The following NCOA3 variants were observed in gnomAD, a reference collection of about 807,000 sequenced individuals.
The protein encoded by NCOA3 is CBP-interacting protein.
Under a neutral mutation model 158.8 loss-of-function variants are expected in NCOA3, and 51 were observed. The observed-to-expected ratio is 0.32, with a 90% CI of 0.26 to 0.41. NCOA3 has a LOEUF of 0.41. NCOA3 is among the 10% of genes least tolerant of loss of function. The probability of loss-of-function intolerance (pLI) is 1.00; values close to 1 mark genes in which losing one functional copy is unlikely to be tolerated. For synonymous variants in NCOA3, 537 were observed against 592.4 expected (o/e 0.91, Z 1.36); for missense variants, 1,510 against 1,746.6 (o/e 0.86, Z 2.41).
chr20:47,513,746 AAT>A (rs1387598266), intron 1 of NCOA3, among the ~76,000 whole-genome samples: 14 of 139,388 alleles, frequency 1.0e-4, no homozygotes, highest in African/African-American at 4.0e-4. Flanking sequence ...AAAAAAAAAA[AAT>A]TATAAGCAAC....
chr20:47,542,009 GTTTT>G lies in NCOA3; in HGVS notation c.-99+40008_-99+40011del, dbSNP rs755173294. 7.3e-4 allele frequency among the ~76,000 whole-genome samples: 41 copies of G among 56,354 alleles called. 1 individual carries two copies. The highest frequency in any genetic ancestry group is 2.7e-3 in the African/African-American group (37 of 13,486). The allele number at this position is 56,354 out of a possible 152,430, so 37.0% of individuals were successfully genotyped here. ...ATCAAATTATTTTTTGCCCTGTAGAGTTTTTTTTTTTTTTTTTTTTTGTTGTTGT... is the reference window on the plus strand; with the variant it reads ...ATCAAATTATTTTTTGCCCTGTAGAGTTTTTTTTTTTTTTTTTGTTGTTGT... On this transcript the variant is annotated intron_variant, in intron 1 of 22. Transcript: ENST00000371998.
At chr20:47,575,640 T>C (rs1383532100) in intron 1 of NCOA3, among the ~76,000 whole-genome samples, 3 of 152,230 alleles carry the variant, frequency 2.0e-5, no homozygotes, top group Non-Finnish European at 2.9e-5. Flanking sequence ...TATCTTACTT[T>C]GCTGGTTTGG....
intron 2 of NCOA3, among the ~76,000 whole-genome samples, chr20:47,590,753 G>C (rs2085618390): frequency 6.6e-6 from 1 of 152,074 alleles, no homozygotes; most frequent in Non-Finnish European, 1.5e-5. Flanking sequence ...TGATGCCTCA[G>C]TGAGCCGTGA....
Position 47,636,516 on chromosome 20 carries a change from C to G in NCOA3, c.2130C>G (p.Thr710=). The G allele has an allele frequency of 6.2e-7, 1 of 1,614,154 alleles. No homozygotes were observed. The highest frequency in any genetic ancestry group is 8.5e-7 in the Non-Finnish European group (1 of 1,180,036). Residue 710 remains threonine, a synonymous_variant, in exon 12 of 23, where the codon ACC becomes ACG. Coordinates refer to ENST00000371998, the MANE Select transcript of NCOA3 (RefSeq NM_181659.3). The part of the protein sequence containing the change: ...KITAEATGKD[T]SSITSCGDGN... ...CTGCAGAAGCCACTGGGAAAGACAC[C>G]AGCAGTATAACTTCTTGTGGGGACG...
Position 47,653,838 on chromosome 20 carries a change from T to C in NCOA3, c.*421T>C, listed in dbSNP as rs2086834923. 5.3e-6 allele frequency: 1 copy of C among 188,898 alleles called. No homozygotes were observed. Among genetic ancestry groups the C allele is most frequent in the Non-Finnish European group, 1.1e-5 (1 of 91,428 alleles). The allele number at this position is 188,898 out of a possible 1,614,324, so 11.7% of individuals were successfully genotyped here. ...ATATCTGGTTTCTCTAGTTGCAGTATTGGACAAAGAGCATAGTCCCAGCCT... is the reference window on the plus strand; with the variant it reads ...ATATCTGGTTTCTCTAGTTGCAGTACTGGACAAAGAGCATAGTCCCAGCCT... On this transcript the variant is annotated 3_prime_UTR_variant, in exon 23 of 23. Coordinates refer to ENST00000371998, the MANE Select transcript of NCOA3 (RefSeq NM_181659.3).
At chr20:47,640,161 G>T in intron 16 of NCOA3, 110 bp downstream of exon 16, 1 of 1,448,556 alleles carries the variant, frequency 6.9e-7, no homozygotes. Context: ...CTATAATTGA[G>T]GTACTGGGTT....
chr20:47,554,795 T>G (rs1436497028), intron 1 of NCOA3, among the ~76,000 whole-genome samples: 1 of 152,144 alleles, frequency 6.6e-6, no homozygotes, highest in African/African-American at 2.4e-5. Context: ...AGGTAATTTA[T>G]AGATTCAATG....
chr20:47,652,904 G>T (rs745623914), intron 21 of NCOA3, 27 bp from the exon 22 acceptor site: 27 of 1,611,908 alleles, frequency 1.7e-5, no homozygotes, highest in Middle Eastern at 1.6e-4. Context: ...ACTTCCAGAG[G>T]TAATATTACC....
chr20:47,651,547 C>A (rs2086794611), intron 20 of NCOA3, among the ~76,000 whole-genome samples: 1 of 152,198 alleles, frequency 6.6e-6, no homozygotes, highest in Admixed American at 6.5e-5. Flanking sequence ...AAGTTGTCCC[C>A]TTGCCCCTTC....
At chr20:47,530,537 A>T (rs889897293) in intron 1 of NCOA3, among the ~76,000 whole-genome samples, 1 of 145,160 alleles carries the variant, frequency 6.9e-6, no homozygotes, top group Non-Finnish European at 1.5e-5. Flanking sequence ...ATCTTGGCTC[A>T]TTGCAACCTC....
chr20:47,502,702 C>CGTTTTT (rs1556552776), intron 1 of NCOA3, among the ~76,000 whole-genome samples: 1 of 139,326 alleles, frequency 7.2e-6, no homozygotes. Flanking sequence ...TTTATTACTA[C>CGTTTTT]TTTTTTTTTT....
Position 47,584,439 on chromosome 20 carries a change from G to A in NCOA3, c.-20+1178G>A, listed in dbSNP as rs1388743404. On this transcript the variant is annotated intron_variant, in intron 2 of 22. Transcript: ENST00000371998. ...GTTTGAGACCAGCCTGGCCAATGTG[G>A]TGAAGCTCCGTCTCTACTAAAAATA... Among the ~76,000 whole-genome samples the A allele has an allele frequency of 3.3e-5, 5 of 152,106 alleles. No individual in the cohort carries two copies. The East Asian group carries it at 9.6e-4, about 29-fold the overall frequency.
intron 1 of NCOA3, among the ~76,000 whole-genome samples, chr20:47,540,545 C>A (rs2084706766): frequency 6.7e-6 from 1 of 148,168 alleles, no homozygotes; most frequent in South Asian, 2.2e-4. Flanking sequence ...GTACTGCAGC[C>A]TGGGCAACAA....
At chr20:47,573,959 C>T (rs1025084365) in intron 1 of NCOA3, among the ~76,000 whole-genome samples, 7 of 152,014 alleles carry the variant, frequency 4.6e-5, no homozygotes, top group Admixed American at 1.3e-4. Context: ...AGTCATTGAC[C>T]TCCAAAAATT....
intron 19 of NCOA3, 24 bp downstream of exon 19, chr20:47,649,133 A>C: frequency 6.7e-7 from 1 of 1,496,480 alleles, no homozygotes; most frequent in Non-Finnish European, 9.3e-7. Flanking sequence ...GCCTCTCCAC[A>C]TGCATTGCTC....
chr20:47,587,296 G>A lies in NCOA3; in HGVS notation c.-20+4035G>A, dbSNP rs191580404. Among the ~76,000 whole-genome samples the A allele has an allele frequency of 5.9e-5, 9 of 152,284 alleles. No homozygotes were observed. The East Asian group carries it at 7.7e-4, about 13-fold the overall frequency. ...CTAGTGAAACTCCTGTAAGTGGGCC[G>A]CTGTGTCCTTGTGGGGAATAAAAGT... On this transcript the variant is annotated intron_variant, in intron 2 of 22. Transcript: ENST00000371998.
At chr20:47,557,561 A>G (rs1456152885) in intron 1 of NCOA3, among the ~76,000 whole-genome samples, 1 of 152,226 alleles carries the variant, frequency 6.6e-6, no homozygotes, top group Non-Finnish European at 1.5e-5. Flanking sequence ...TGAGAGGACC[A>G]TCTGTAAATA....
At chr20:47,519,146 A>G (rs1252324122) in intron 1 of NCOA3, among the ~76,000 whole-genome samples, 2 of 144,640 alleles carry the variant, frequency 1.4e-5, no homozygotes, top group Non-Finnish European at 3.0e-5. Context: ...AAAAAAAAAA[A>G]AGAAAAAGCC....
At chr20:47,511,547 A>C (rs1300204577) in intron 1 of NCOA3, among the ~76,000 whole-genome samples, 1 of 28,898 alleles carries the variant, frequency 3.5e-5, no homozygotes, top group African/African-American at 6.8e-5. Flanking sequence ...ATATATATAT[A>C]TATATATATT....
Sources: gnomAD v4.1 joint callset for allele counts (sites outside exome capture counted in the v4.1 genomes callset) on GRCh38, gnomAD v4.1.1 for gene constraint, MANE v1.5 for transcripts, NCBI Gene and HGNC (gene_info 2026-07-23, HGNC 2026-07-21) for gene names.